The following TARS3 variants were observed in gnomAD, a reference collection of about 807,000 sequenced individuals.
TARS3 encodes threonine--tRNA ligase 2, cytoplasmic.
TARS3 carries 94 observed loss-of-function variants against 103.5 expected under a neutral mutation model. The observed-to-expected ratio is 0.91, with a 90% CI of 0.77 to 1.08. The LOEUF is 1.08. TARS3 is among the 50% of genes least tolerant of loss of function. The pLI is 0.00. For synonymous variants in TARS3, 416 were observed against 355.4 expected (o/e 1.17, Z -1.92); for missense variants, 952 against 995.2 (o/e 0.96, Z 0.58).
chr15:101,668,880 A>ATGTAC (rs1197131340), intron 15 of TARS3, among the ~76,000 whole-genome samples: 3 of 152,192 alleles, frequency 2.0e-5, no homozygotes, highest in Non-Finnish European at 2.9e-5. Flanking sequence ...GCATACAATT[A>ATGTAC]TGTACTGTAC....
intron 12 of TARS3, among the ~76,000 whole-genome samples, chr15:101,675,995 G>A (rs537271074): frequency 2.6e-5 from 4 of 152,340 alleles, no homozygotes; most frequent in Admixed American, 1.3e-4. Flanking sequence ...GCACGGAGGG[G>A]CTGCCCAGAG....
chr15:101,719,117 G>C lies in TARS3; in HGVS notation c.566+2009C>G, dbSNP rs1022667665. On this transcript the variant is annotated intron_variant, in intron 3 of 18. Coordinates refer to ENST00000335968, the MANE Select transcript of TARS3 (RefSeq NM_152334.3). ...AGAACAAAGGATGAACAGGTGGGCT[G>C]ACACAAGCACTAACTGCTGCCAGGC... 5.9e-5 allele frequency among the ~76,000 whole-genome samples: 9 copies of C among 152,330 alleles called. No individual in the cohort carries two copies. The East Asian group carries it at 7.7e-4, about 13-fold the overall frequency.
intron 9 of TARS3, among the ~76,000 whole-genome samples, chr15:101,701,764 A>G (rs922348226): frequency 1.3e-5 from 2 of 152,172 alleles, no homozygotes; most frequent in Admixed American, 6.5e-5. Context: ...TAAAGTGCAC[A>G]GAATGTAAAA....
intron 10 of TARS3, among the ~76,000 whole-genome samples, chr15:101,698,918 G>A (rs937743868): frequency 2.0e-5 from 3 of 152,188 alleles, no homozygotes; most frequent in Non-Finnish European, 4.4e-5. Flanking sequence ...CCACCAGCCT[G>A]TCAAGTGGAA....
At chr15:101,663,532 G>A (rs1356464567) in intron 15 of TARS3, among the ~76,000 whole-genome samples, 3 of 152,130 alleles carry the variant, frequency 2.0e-5, no homozygotes. Context: ...TACATTTATG[G>A]GGATGCATGA....
intron 12 of TARS3, among the ~76,000 whole-genome samples, chr15:101,683,581 A>G (rs1031714721): frequency 6.6e-6 from 1 of 152,136 alleles, no homozygotes; most frequent in Non-Finnish European, 1.5e-5. Context: ...CCTCCCTCAC[A>G]CCTCGGTACA....
intron 10 of TARS3, among the ~76,000 whole-genome samples, chr15:101,697,508 C>T (rs747152118): frequency 3.9e-5 from 6 of 152,206 alleles, no homozygotes; most frequent in African/African-American, 9.6e-5. Context: ...ATAAACCAAA[C>T]GTGAAACTAA....
chr15:101,672,936 G>T (rs1452641536), intron 13 of TARS3, among the ~76,000 whole-genome samples: 1 of 152,118 alleles, frequency 6.6e-6, no homozygotes, highest in Non-Finnish European at 1.5e-5. Context: ...AAAAGCCAAG[G>T]AAAGGCCAAG....
intron 11 of TARS3, among the ~76,000 whole-genome samples, chr15:101,685,586 A>T (rs1249660461): frequency 2.6e-5 from 4 of 152,218 alleles, no homozygotes; most frequent in African/African-American, 4.8e-5. Context: ...TTCTGCAAAT[A>T]TGAACATGTG....
chr15:101,655,136 G>C (rs1277583423), intron 18 of TARS3, among the ~76,000 whole-genome samples: 1 of 150,334 alleles, frequency 6.7e-6, no homozygotes, highest in Non-Finnish European at 1.5e-5. Context: ...GGGTGCAAAT[G>C]AGAGCGGGGA....
Position 101,724,136 on chromosome 15 carries a change from C to A in TARS3, c.252G>T (p.Thr84=), listed in dbSNP as rs1217708682. The A allele has an allele frequency of 1.4e-6, 2 of 1,441,034 alleles. No individual in the cohort carries two copies. The highest frequency in any genetic ancestry group is 1.8e-6 in the Non-Finnish European group (2 of 1,097,462). The allele number at this position is 1,441,034 out of a possible 1,614,324, so 89.3% of individuals were successfully genotyped here. A position where few individuals can be genotyped will look rare whatever the true frequency, so the allele number is the denominator to read the frequency against. ...CLAEERSRQA[T]LESAELEAAQ... ...CCGCCTCTAGCTCCGCGCTCTCCAG[C>A]GTGGCCTGGCGGCTCCGCTCCTCGG... Residue 84 remains threonine, a synonymous_variant, in exon 1 of 19, where the codon ACG becomes ACT. Coordinates refer to ENST00000335968, the MANE Select transcript of TARS3 (RefSeq NM_152334.3).
chr15:101,677,420 C>T (rs1384532271), intron 12 of TARS3, among the ~76,000 whole-genome samples: 1 of 152,164 alleles, frequency 6.6e-6, no homozygotes, highest in Admixed American at 6.5e-5. Flanking sequence ...GGGACTTACA[C>T]CAGCTCCCTC....
chr15:101,668,108 C>T (rs1897651807), intron 15 of TARS3, among the ~76,000 whole-genome samples: 2 of 152,192 alleles, frequency 1.3e-5, no homozygotes, highest in Non-Finnish European at 2.9e-5. Flanking sequence ...CTTTTAATGT[C>T]CTTCAAGAGC....
Position 101,684,404 on chromosome 15 carries a change from C to A in TARS3, c.1488-167G>T, listed in dbSNP as rs561671552. Among the ~76,000 whole-genome samples the A allele has an allele frequency of 2.6e-5, 4 of 152,292 alleles. No individual in the cohort carries two copies. The South Asian group carries it at 8.3e-4, about 32-fold the overall frequency. ...TTCTTCCACAAATTAGTGAACCTTG[C>A]ATTTACATCACTGCAGCACTCTGAG... On this transcript the variant is annotated intron_variant, in intron 11 of 18. Transcript: ENST00000335968.
chr15:101,695,016 A>G (rs983452734), intron 10 of TARS3, among the ~76,000 whole-genome samples: 2 of 152,232 alleles, frequency 1.3e-5, no homozygotes, highest in Non-Finnish European at 2.9e-5. Flanking sequence ...TGACAGTTGC[A>G]TAATAACATG....
chr15:101,702,626 C>T (rs1015711843), intron 8 of TARS3, among the ~76,000 whole-genome samples: 3 of 152,100 alleles, frequency 2.0e-5, no homozygotes, highest in Middle Eastern at 3.2e-3. Context: ...AAAAACTAGC[C>T]AGGCACGATG....
chr15:101,661,925 T>C (rs1897397845), intron 15 of TARS3, 109 bp from the exon 16 acceptor site: 1 of 559,922 alleles, frequency 1.8e-6, no homozygotes, highest in Admixed American at 3.8e-5. Flanking sequence ...ATCAGATCTC[T>C]CCATTAACCT....
In TARS3 at chr15:101,724,074, C is replaced by A; in HGVS notation, c.297+17G>T. ...GCCCCGCCCGCGTCCTCTCCAGTGT[C>A]CCCACCGCCCGGTTACCTGTGCGCC... On this transcript the variant is annotated intron_variant, in intron 1 of 18. Transcript: ENST00000335968. 7.4e-7 allele frequency: 1 copy of A among 1,359,908 alleles called. No homozygotes were observed. The highest frequency in any genetic ancestry group is 1.7e-5 in the South Asian group (1 of 57,302). 84.2% of individuals were successfully genotyped at this position (1,359,908 alleles called of 1,614,324 possible). A position where few individuals can be genotyped will look rare whatever the true frequency, so the allele number is the denominator to read the frequency against.
intron 5 of TARS3, among the ~76,000 whole-genome samples, chr15:101,711,135 CCT>C (rs1481766152): frequency 6.6e-6 from 1 of 152,070 alleles, no homozygotes; most frequent in Non-Finnish European, 1.5e-5. Flanking sequence ...ATTAAACTAG[CCT>C]CTCTCTAGGA....
Sources: gnomAD v4.1 joint callset for allele counts (sites outside exome capture counted in the v4.1 genomes callset) on GRCh38, gnomAD v4.1.1 for gene constraint, MANE v1.5 for transcripts, NCBI Gene and HGNC (gene_info 2026-07-23, HGNC 2026-07-21) for gene names.